The following FGF12 variants were observed in gnomAD, a reference collection of about 807,000 sequenced individuals.
FGF12 encodes the protein fibroblast growth factor 12.
In FGF12, 14 loss-of-function variants were observed where a neutral mutation model predicts 23.6. That is an observed-to-expected ratio of 0.59 (90% CI 0.39 to 0.93). FGF12 has a LOEUF of 0.93. Ranked by LOEUF, FGF12 falls within the 40% of genes least tolerant of loss-of-function variation. FGF12 has a pLI of 0.00. For synonymous variants in FGF12, 62 were observed against 77.3 expected (o/e 0.80, Z 1.04); for missense variants, 175 against 217.8 (o/e 0.80, Z 1.24).
At position 192,372,474 on chromosome 3, in the gene FGF12, C is replaced by G. The variant is rs1246664318; in HGVS notation, c.14-11936G>C. ...AGTGAGTTCTAGTGGTGTAATAATA[C>G]TTTCGGCAAAAGAGCAGTTGAGAGC... is the stretch of plus-strand genomic sequence containing the variant. On this transcript the variant is annotated intron_variant, in intron 2 of 5. Coordinates refer to ENST00000445105, the MANE Select transcript of FGF12 (RefSeq NM_004113.6). Among the ~76,000 whole-genome samples, 3 of 151,922 alleles carry G rather than the reference C, an allele frequency of 2.0e-5. No individual in the cohort carries two copies. The East Asian group carries it at 5.8e-4, about 29-fold the overall frequency.
intron 2 of FGF12, among the ~76,000 whole-genome samples, chr3:192,555,851 C>T (rs918945096): frequency 2.0e-5 from 3 of 151,344 alleles, no homozygotes; most frequent in Non-Finnish European, 4.4e-5. Flanking sequence ...AGTGTGTGCA[C>T]GGGGAGACAT....
At chr3:192,615,080 TG>T (rs2108642889) in intron 2 of FGF12, among the ~76,000 whole-genome samples, 1 of 152,140 alleles carries the variant, frequency 6.6e-6, no homozygotes, top group East Asian at 1.9e-4. Flanking sequence ...AAGAGATCTA[TG>T]GGGGACTGAG....
At chr3:192,498,572 C>T (rs1023087017) in intron 2 of FGF12, among the ~76,000 whole-genome samples, 10 of 150,882 alleles carry the variant, frequency 6.6e-5, no homozygotes, top group African/African-American at 2.4e-4. Context: ...TATTGGAGTC[C>T]ATTACCACAC....
intron 2 of FGF12, among the ~76,000 whole-genome samples, chr3:192,476,553 A>G (rs1723332512): frequency 6.6e-6 from 1 of 152,204 alleles, no homozygotes; most frequent in African/African-American, 2.4e-5. Context: ...CCCCCTGTTT[A>G]TTTTGTTGGT....
chr3:192,637,655 G>A (rs926250525), intron 2 of FGF12, among the ~76,000 whole-genome samples: 1 of 152,150 alleles, frequency 6.6e-6, no homozygotes, highest in Non-Finnish European at 1.5e-5. Context: ...TAGGACGCCA[G>A]AACTGGAAGG....
chr3:192,251,847 G>A (rs1712033475), intron 4 of FGF12, among the ~76,000 whole-genome samples: 1 of 152,092 alleles, frequency 6.6e-6, no homozygotes, highest in African/African-American at 2.4e-5. Context: ...AGCTTTGTCT[G>A]TGAAGGGGCA....
intron 2 of FGF12, among the ~76,000 whole-genome samples, chr3:192,474,152 T>C (rs1015715276): frequency 5.3e-5 from 8 of 152,248 alleles, no homozygotes; most frequent in African/African-American, 1.9e-4. Context: ...TTTGGCACAT[T>C]AAAAGGTTCT....
chr3:192,321,719 T>G (rs1181506300), intron 4 of FGF12, among the ~76,000 whole-genome samples: 1 of 152,110 alleles, frequency 6.6e-6, no homozygotes, highest in Non-Finnish European at 1.5e-5. Flanking sequence ...ACAGAAATCA[T>G]ATAATCTTTG....
At chr3:192,152,102 C>T (rs1317003950) in intron 5 of FGF12, among the ~76,000 whole-genome samples, 612 of 42,052 alleles carry the variant, frequency 0.015, no homozygotes, top group Non-Finnish European at 0.02. Context: ...AGTTTATTTG[C>T]GTAGAGGTGT....
At chr3:192,590,783 C>T (rs35348489) in intron 2 of FGF12, among the ~76,000 whole-genome samples, 23,205 of 151,662 alleles carry the variant, frequency 0.15, 2,017 homozygotes, top group Middle Eastern at 0.2. Context: ...GACTTCTTGG[C>T]CTTAGATTTT....
chr3:192,197,622 T>C (rs1187180561), intron 4 of FGF12, among the ~76,000 whole-genome samples: 2 of 152,082 alleles, frequency 1.3e-5, no homozygotes, highest in Admixed American at 6.5e-5. Context: ...AGGTAACAGA[T>C]GAAGGGAGAA....
At chr3:192,419,867 T>G (rs1172085536) in intron 2 of FGF12, among the ~76,000 whole-genome samples, 2 of 152,118 alleles carry the variant, frequency 1.3e-5, no homozygotes, top group Non-Finnish European at 2.9e-5. Context: ...GCATCAAATG[T>G]GTATTGTAAA....
intron 2 of FGF12, among the ~76,000 whole-genome samples, chr3:192,444,727 C>T (rs1413407801): frequency 1.3e-5 from 2 of 152,202 alleles, no homozygotes; most frequent in Non-Finnish European, 2.9e-5. Flanking sequence ...AATTGCTTCC[C>T]TCTGCGAATT....
intron 2 of FGF12, among the ~76,000 whole-genome samples, chr3:192,437,460 A>G (rs1307829506): frequency 6.6e-6 from 1 of 152,166 alleles, no homozygotes; most frequent in African/African-American, 2.4e-5. Context: ...TGGGAGGTCA[A>G]GGTGGGTGGA....
At chr3:192,308,399 C>T (rs933097585) in intron 4 of FGF12, among the ~76,000 whole-genome samples, 1 of 152,090 alleles carries the variant, frequency 6.6e-6, no homozygotes, top group African/African-American at 2.4e-5. Context: ...TCAAAGAGGC[C>T]AGGCACAGTG....
chr3:192,367,452 G>A (rs1024742807), intron 2 of FGF12, among the ~76,000 whole-genome samples: 1 of 152,108 alleles, frequency 6.6e-6, no homozygotes, highest in Non-Finnish European at 1.5e-5. Flanking sequence ...GACTATTAGG[G>A]TTAGAAAATG....
At chr3:192,720,514 A>G (rs968155257) in intron 2 of FGF12, among the ~76,000 whole-genome samples, 3 of 152,226 alleles carry the variant, frequency 2.0e-5, no homozygotes, top group African/African-American at 7.2e-5. Flanking sequence ...GATCCTTAAA[A>G]AATCCTACCG....
At chr3:192,351,989 T>C (rs1385785395) in intron 3 of FGF12, among the ~76,000 whole-genome samples, 1 of 152,160 alleles carries the variant, frequency 6.6e-6, no homozygotes, top group Non-Finnish European at 1.5e-5. Flanking sequence ...CTCCAAGACA[T>C]ACAAATCTGT....
intron 2 of FGF12, among the ~76,000 whole-genome samples, chr3:192,541,557 T>C (rs1725363938): frequency 6.6e-6 from 1 of 152,172 alleles, no homozygotes; most frequent in Non-Finnish European, 1.5e-5. Flanking sequence ...GTGAGTAGTT[T>C]ACACATCAAA....
Sources: gnomAD v4.1 joint callset for allele counts (sites outside exome capture counted in the v4.1 genomes callset) on GRCh38, gnomAD v4.1.1 for gene constraint, MANE v1.5 for transcripts, NCBI Gene and HGNC (gene_info 2026-07-23, HGNC 2026-07-21) for gene names.